Variants in AMZ1 observed in about 807,000 individuals in gnomAD.
The protein encoded by AMZ1 is archaelysin family metallopeptidase 1, also known as archaemetzincin-1.
Under a neutral mutation model 29.9 loss-of-function variants are expected in AMZ1, and 39 were observed. That is an observed-to-expected ratio of 1.30 (90% confidence interval 1.01 to 1.70). The LOEUF (loss-of-function observed/expected upper bound fraction) is 1.70. AMZ1 is among the 40% of genes most tolerant of loss of function. The pLI is 0.00. For missense variants in AMZ1, 1,041 were observed against 680.6 expected (o/e 1.53, Z -5.89); for synonymous variants, 458 against 304.0 (o/e 1.51, Z -5.27).
intron 4 of AMZ1, among the ~76,000 whole-genome samples, chr7:2,734,658 C>T (rs1206324230): frequency 6.6e-6 from 1 of 152,202 alleles, no homozygotes; most frequent in South Asian, 2.1e-4. Context: ...AGAGGAAGCT[C>T]CTTCAGGGAG....
intron 1 of AMZ1, among the ~76,000 whole-genome samples, chr7:2,696,763 G>A (rs1055254034): frequency 2.0e-5 from 3 of 152,028 alleles, no homozygotes; most frequent in Non-Finnish European, 2.9e-5. Context: ...GTGGGTGCCT[G>A]TAGTCCCAAC....
At chr7:2,737,527 A>T (rs1464774448) in intron 4 of AMZ1, among the ~76,000 whole-genome samples, 2 of 151,984 alleles carry the variant, frequency 1.3e-5, no homozygotes, top group Admixed American at 6.6e-5. Context: ...GACCTCAGGT[A>T]ATCCACCCAC....
Position 2,718,159 on chromosome 7 carries a change from TA to T in AMZ1, c.*5283del, listed in dbSNP as rs1310269235. On this transcript the variant is annotated 3_prime_UTR_variant, in exon 7 of 7. Transcript: ENST00000683327. ...CTCGATGCCTGCTCCCTGGGCTTTT[TA>T]ATGAACGCACTTCTGTCACATGGAA... 7.9e-5 allele frequency among the ~76,000 whole-genome samples: 12 copies of T among 152,196 alleles called. No homozygotes were observed. The highest frequency in any genetic ancestry group is 2.7e-4 in the African/African-American group (11 of 41,448).
Position 2,731,300 on chromosome 7 carries a change from T to C in AMZ1, n.550+21484T>C, listed in dbSNP as rs1394982808. On this transcript the variant is annotated intron_variant and non_coding_transcript_variant, in intron 4 of 4. Transcript: ENST00000489665. The surrounding 1 kb of genome is among the most constrained non-coding windows in gnomAD (Gnocchi z 6.0). Reference sequence around the variant, plus strand: ...GTGAAGTGGTGGAAGAGTGGCTTGCTGCGGTTCCGTCTCTTCCTGTCGAAG... The same window carrying C: ...GTGAAGTGGTGGAAGAGTGGCTTGCCGCGGTTCCGTCTCTTCCTGTCGAAG... 6.2e-7 allele frequency: 1 copy of C among 1,613,822 alleles called. No individual in the cohort carries two copies.
Position 2,709,030 on chromosome 7 carries a change from C to A in AMZ1, c.602-45C>A, listed in dbSNP as rs114022522. 6,986 of 1,524,742 alleles carry A rather than the reference C, an allele frequency of 4.6e-3. 283 individuals are homozygous for A. The African/African-American group carries it at 0.083, about 18-fold the overall frequency. 94.5% of individuals were successfully genotyped at this position (1,524,742 alleles called of 1,614,324 possible). A position where few individuals can be genotyped will look rare whatever the true frequency, so the allele number is the denominator to read the frequency against. On this transcript the variant is annotated intron_variant, in intron 4 of 6. Coordinates refer to ENST00000683327, the MANE Select transcript of AMZ1 (RefSeq NM_001384743.1). ...GGGTTTGACGGTGGGCCCCCCAGAG[C>A]CAAGGCTGACCCCTGAGAGTGCCCT...
chr7:2,688,468 G>T (rs1042026429), intron 1 of AMZ1, among the ~76,000 whole-genome samples, 172 bp downstream of exon 1: 15 of 152,106 alleles, frequency 9.9e-5, no homozygotes, highest in Non-Finnish European at 4.4e-5. Context: ...CGCGAAGGGC[G>T]CACTTGGCGA....
rs554505990 is a variant in AMZ1 at position 2,714,508 on chromosome 7, T to C, written c.*1630T>C. On this transcript the variant is annotated 3_prime_UTR_variant, in exon 7 of 7. Coordinates refer to ENST00000683327, the MANE Select transcript of AMZ1 (RefSeq NM_001384743.1). ...CGTAACAGTGACCTGGGAGGGGAGA[T>C]GAAGAGCTAGGCCTTTCAGAAAGTG... 2.0e-5 allele frequency: 3 copies of C among 151,476 alleles called. No individual in the cohort carries two copies. In the East Asian group the frequency reaches 5.8e-4, roughly 29 times the overall value. The allele number at this position is 151,476 out of a possible 1,614,324, so 9.4% of individuals were successfully genotyped here. A position where few individuals can be genotyped will look rare whatever the true frequency, so the allele number is the denominator to read the frequency against.
At chr7:2,734,161 G>T (rs1044496421) in intron 4 of AMZ1, among the ~76,000 whole-genome samples, 3 of 152,142 alleles carry the variant, frequency 2.0e-5, no homozygotes, top group Non-Finnish European at 4.4e-5. Context: ...AGGGCCCTGC[G>T]GAATCACCCA....
intron 4 of AMZ1, among the ~76,000 whole-genome samples, chr7:2,755,178 A>T (rs958840971): frequency 3.9e-5 from 6 of 152,046 alleles, no homozygotes; most frequent in African/African-American, 1.4e-4. Flanking sequence ...GGGAGACAAC[A>T]GGCCTTGGAA....
At chr7:2,730,243 C>T (rs1789818497) in intron 4 of AMZ1, 1 of 152,424 alleles carries the variant, frequency 6.6e-6, no homozygotes, top group Admixed American at 6.5e-5. Context: ...CTATGTGCTG[C>T]CAACTGTGTG....
upstream of AMZ1, chr7:2,762,183 G>A (rs984538007): frequency 1.2e-5 from 2 of 163,430 alleles, no homozygotes; most frequent in Non-Finnish European, 2.6e-5. Context: ...GAGGTGGAGG[G>A]GTCAACCCAG....
Position 2,693,460 on chromosome 7 carries a change from G to A in AMZ1, c.-219+5164G>A, listed in dbSNP as rs146764238. ...AGTGGTGCGATCACAGCTCACTGCA[G>A]CCTTGGACTCCTGGGCTGGAGACTT... On this transcript the variant is annotated intron_variant, in intron 1 of 6. Coordinates refer to ENST00000683327, the MANE Select transcript of AMZ1 (RefSeq NM_001384743.1). Among the ~76,000 whole-genome samples the A allele has an allele frequency of 9.8e-3, 1,487 of 152,168 alleles. 22 individuals carry two copies. The highest frequency in any genetic ancestry group is 0.044 in the Admixed American group (676 of 15,254).
chr7:2,693,034 C>T (rs921148625), intron 1 of AMZ1, among the ~76,000 whole-genome samples: 2 of 152,344 alleles, frequency 1.3e-5, no homozygotes, highest in Admixed American at 6.5e-5. Flanking sequence ...ACTGTGATCA[C>T]CCTCTCAGGA....
At position 2,712,458 on chromosome 7, in the gene AMZ1, G is replaced by T. The variant is rs1164995198; in HGVS notation, c.1077G>T (p.Glu359Asp). 1 of 1,611,202 alleles carries T rather than the reference G, an allele frequency of 6.2e-7. No individual in the cohort carries two copies. The highest frequency in any genetic ancestry group is 1.1e-5 in the South Asian group (1 of 91,012). The change falls in exon 7 of 7, where the codon GAG becomes GAT. Residue 359 changes from glutamate (E) to aspartate (D), a missense_variant. Transcript: ENST00000683327. ...DSGMCCESDS[E>D]PGTSVSEPLT... ...GCATGTGCTGTGAGAGTGACTCGGA[G>T]CCCGGCACCAGTGTGTCGGAGCCCC... is the stretch of plus-strand genomic sequence containing the variant.
At chr7:2,706,642 G>A (rs1422367295) in intron 3 of AMZ1, among the ~76,000 whole-genome samples, 1 of 152,196 alleles carries the variant, frequency 6.6e-6, no homozygotes, top group Non-Finnish European at 1.5e-5. Flanking sequence ...GACTTCCCGT[G>A]AGCTTTACGC....
At chr7:2,709,321 C>G in intron 5 of AMZ1, 77 bp downstream of exon 5, 1 of 1,363,732 alleles carries the variant, frequency 7.3e-7, no homozygotes, top group Non-Finnish European at 9.7e-7. Context: ...GTCTGTTACA[C>G]TGCCCCATCC....
intron 1 of AMZ1, among the ~76,000 whole-genome samples, chr7:2,693,470 C>T (rs966098496): frequency 1.3e-5 from 2 of 152,154 alleles, no homozygotes; most frequent in African/African-American, 4.8e-5. Context: ...GCCTTGGACT[C>T]CTGGGCTGGA....
intron 4 of AMZ1, chr7:2,729,042 G>A (rs564545135): frequency 6.6e-6 from 1 of 152,524 alleles, no homozygotes; most frequent in African/African-American, 2.4e-5. Flanking sequence ...ACTGTTTAAA[G>A]GAAAACAAGC....
intron 4 of AMZ1, among the ~76,000 whole-genome samples, chr7:2,757,360 G>A (rs1045460053): frequency 3.3e-5 from 5 of 152,032 alleles, no homozygotes; most frequent in African/African-American, 1.2e-4. Context: ...TTTTAAAAGA[G>A]GTGCTCTCCT....
Sources: gnomAD v4.1 joint callset for allele counts (sites outside exome capture counted in the v4.1 genomes callset) on GRCh38, gnomAD v4.1.1 for gene constraint, Gnocchi (gnomAD v3.1) non-coding constraint, MANE v1.5 for transcripts, NCBI Gene and HGNC (gene_info 2026-07-23, HGNC 2026-07-21) for gene names.